Variants in PBX4 observed in about 807,000 individuals in gnomAD.
The protein encoded by PBX4 is PBX homeobox 4.
PBX4 carries 26 observed loss-of-function variants against 35.1 expected under a neutral mutation model. The observed-to-expected ratio is 0.74, with a 90% CI of 0.54 to 1.03. PBX4 has a LOEUF of 1.03. PBX4 is among the 50% of genes least tolerant of loss of function. The pLI is 0.00. For synonymous variants in PBX4, 199 were observed against 204.2 expected, an observed-to-expected ratio of 0.97 and a Z score of 0.22; for missense variants, 448 against 504.3, an observed-to-expected ratio of 0.89 and a Z score of 1.07.
intron 2 of PBX4, chr19:19,588,267 G>T: frequency 1.6e-6 from 2 of 1,241,490 alleles, no homozygotes; most frequent in Non-Finnish European, 2.4e-6. Flanking sequence ...AAGATCCATA[G>T]TTACATTCAT....
intron 1 of PBX4, among the ~76,000 whole-genome samples, chr19:19,608,857 A>C (rs1466471621): frequency 6.6e-6 from 1 of 151,954 alleles, no homozygotes; most frequent in African/African-American, 2.4e-5. Context: ...TGAAGGGCTA[A>C]CTCCTCATTG....
At chr19:19,570,913 TTATG>T in intron 2 of PBX4, 80 bp from the exon 3 acceptor site, 2 of 1,552,426 alleles carry the variant, frequency 1.3e-6, no homozygotes, top group African/African-American at 2.7e-5. Context: ...AGCACTGGTG[TTATG>T]TCTGAAGATT....
chr19:19,576,767 C>T lies in PBX4; in HGVS notation c.194-5934G>A, dbSNP rs1332535370. Reference sequence around the variant, plus strand: ...TGAGTAGTTGGAACTATACACATGCCACCACACCTGGCTAATTTTTTATTT... The same window carrying T: ...TGAGTAGTTGGAACTATACACATGCTACCACACCTGGCTAATTTTTTATTT... On this transcript the variant is annotated intron_variant, in intron 2 of 7. Transcript: ENST00000251203. Among the ~76,000 whole-genome samples, 4 of 151,940 alleles carry T rather than the reference C, an allele frequency of 2.6e-5. No individual in the cohort carries two copies. In the South Asian group the frequency reaches 6.2e-4, roughly 24 times the overall value.
intron 1 of PBX4, among the ~76,000 whole-genome samples, chr19:19,599,749 G>T (rs2061584985): frequency 6.6e-6 from 1 of 152,114 alleles, no homozygotes. Context: ...AAGGCAGGCG[G>T]ATTGCCTGAG....
Position 19,563,590 on chromosome 19 carries a change from G to T in PBX4, c.951C>A (p.Pro317=). The T allele has an allele frequency of 6.5e-7, 1 of 1,550,124 alleles. No homozygotes were observed. Among genetic ancestry groups the T allele is most frequent in the South Asian group, 1.2e-5 (1 of 84,024 alleles). The part of the protein sequence containing the change: ...SSGSSGPFPL[P]SAGDAFLTLR... Reference sequence around the variant, plus strand: ...GGGTGAGGAAGGCGTCCCCAGCGCTGGGCAGCGGGAAGGGTCCAGAGGAGC... The same window carrying T: ...GGGTGAGGAAGGCGTCCCCAGCGCTTGGCAGCGGGAAGGGTCCAGAGGAGC... The change falls in exon 7 of 8, where the codon CCC becomes CCA. Residue 317 remains proline (P), a synonymous_variant. Transcript: ENST00000251203. The surrounding 1 kb of genome is among the most constrained non-coding windows in gnomAD (Gnocchi z 5.1).
At chr19:19,600,794 G>T (rs2061592631) in intron 1 of PBX4, among the ~76,000 whole-genome samples, 1 of 146,156 alleles carries the variant, frequency 6.8e-6, no homozygotes, top group Non-Finnish European at 1.5e-5. Flanking sequence ...TCCAGCCTGG[G>T]CAACAGAGAG....
Position 19,562,495 on chromosome 19 carries a change from AAG to A in PBX4, c.1033-380_1033-379del, listed in dbSNP as rs1231436705. ...CGTCATGGTGAGACTCGGTGGGAAA[AAG>A]GGGCTCTGAAACCTGGCCCAACACT... On this transcript the variant is annotated intron_variant, in intron 7 of 7. Transcript: ENST00000251203. The surrounding 1 kb of genome is among the most constrained non-coding windows in gnomAD (Gnocchi z 4.8). 6.6e-6 allele frequency among the ~76,000 whole-genome samples: 1 copy of A among 151,710 alleles called. No homozygotes were observed. Among genetic ancestry groups the A allele is most frequent in the Non-Finnish European group, 1.5e-5 (1 of 67,922 alleles).
At chr19:19,604,084 A>G (rs1035822576) in intron 1 of PBX4, among the ~76,000 whole-genome samples, 9 of 152,192 alleles carry the variant, frequency 5.9e-5, no homozygotes, top group African/African-American at 2.2e-4. Flanking sequence ...TCTGTCATCC[A>G]AGCGTCCATT....
chr19:19,601,364 C>G (rs889898175), intron 1 of PBX4, among the ~76,000 whole-genome samples: 2 of 152,010 alleles, frequency 1.3e-5, no homozygotes, highest in Admixed American at 1.3e-4. Flanking sequence ...GAGAGAGCTA[C>G]GAGAAGTTAG....
intron 2 of PBX4, among the ~76,000 whole-genome samples, chr19:19,587,622 G>A (rs1468099144): frequency 6.9e-6 from 1 of 144,616 alleles, no homozygotes; most frequent in Non-Finnish European, 1.5e-5. Context: ...AAGAGTAAAT[G>A]CCTACATTTC....
intron 2 of PBX4, among the ~76,000 whole-genome samples, chr19:19,595,828 C>T (rs957351519): frequency 1.3e-5 from 2 of 152,216 alleles, no homozygotes; most frequent in African/African-American, 4.8e-5. Flanking sequence ...ATTGATTACA[C>T]AAGCAAAAGT....
At chr19:19,583,569 C>T (rs1385997407) in intron 2 of PBX4, among the ~76,000 whole-genome samples, 3 of 151,996 alleles carry the variant, frequency 2.0e-5, no homozygotes, top group Non-Finnish European at 2.9e-5. Context: ...GCTGACTGCG[C>T]CACTGCACTC....
chr19:19,601,057 AG>A (rs1380491565), intron 1 of PBX4, among the ~76,000 whole-genome samples: 10 of 152,148 alleles, frequency 6.6e-5, no homozygotes, highest in Non-Finnish European at 1.2e-4. Context: ...GGCAGTTAAG[AG>A]GGAGGGAGTG....
At chr19:19,584,526 G>A (rs1466608277) in intron 2 of PBX4, among the ~76,000 whole-genome samples, 1 of 151,708 alleles carries the variant, frequency 6.6e-6, no homozygotes, top group Non-Finnish European at 1.5e-5. Flanking sequence ...TACAGCTGGA[G>A]TAACCCAGAG....
chr19:19,594,978 T>C (rs2061552635), intron 2 of PBX4, among the ~76,000 whole-genome samples: 2 of 152,182 alleles, frequency 1.3e-5, no homozygotes, highest in Admixed American at 1.3e-4. Context: ...TGCCTCGGCC[T>C]CCCAAAGTGC....
At position 19,605,775 on chromosome 19, in the gene PBX4, C is replaced by G. The variant is rs192774213; in HGVS notation, c.120-6410G>C. Among the ~76,000 whole-genome samples the G allele has an allele frequency of 9.6e-4, 144 of 149,554 alleles. 2 individuals carry two copies. The East Asian group carries it at 0.021, about 22-fold the overall frequency. The stretch of plus-strand genomic sequence containing the variant: ...GTGAGCCTTGTTTCTGGCCTGGAAA[C>G]TTAATTTTAACAATAAGAGGAAAGA... On this transcript the variant is annotated intron_variant, in intron 1 of 7. Coordinates refer to ENST00000251203, the MANE Select transcript of PBX4 (RefSeq NM_025245.3).
chr19:19,618,620 G>C lies in PBX4; in HGVS notation c.10C>G (p.Pro4Ala), dbSNP rs1048709240. The change falls in exon 1 of 8, where the codon CCG becomes GCG. Residue 4 changes from proline (P) to alanine (A), a missense_variant. Coordinates refer to ENST00000251203, the MANE Select transcript of PBX4 (RefSeq NM_025245.3). MAA[P>A]PRPAPSPPAP... is the part of the protein sequence containing the mutation. ...GGGGGCGATGGCGCGGGGCGCGGCG[G>C]GGCGGCCATGAGCGGCAGGGCCGGG... The C allele has an allele frequency of 1.1e-5, 14 of 1,250,520 alleles. No homozygotes were observed. In the Middle Eastern group the frequency reaches 9.4e-4, roughly 84 times the overall value. The allele number at this position is 1,250,520 out of a possible 1,614,324, so 77.5% of individuals were successfully genotyped here. A position where few individuals can be genotyped will look rare whatever the true frequency, so the allele number is the denominator to read the frequency against.
intron 2 of PBX4, among the ~76,000 whole-genome samples, chr19:19,581,042 C>T (rs2061451212): frequency 6.6e-6 from 1 of 152,140 alleles, no homozygotes; most frequent in South Asian, 2.1e-4. Context: ...CAGATTTTAC[C>T]TTGTTTAGAG....
intron 1 of PBX4, 143 bp from the exon 2 acceptor site, chr19:19,599,508 G>A (rs2061583447): frequency 7.7e-6 from 5 of 653,430 alleles, no homozygotes; most frequent in Non-Finnish European, 1.4e-5. Flanking sequence ...TGAAAATGCA[G>A]TACAATCATA....
Sources: allele counts gnomAD v4.1 joint callset (sites outside exome capture counted in the v4.1 genomes callset), GRCh38; gene constraint gnomAD v4.1.1; non-coding constraint Gnocchi (gnomAD v3.1); transcripts MANE v1.5; gene names NCBI Gene and HGNC (gene_info 2026-07-23, HGNC 2026-07-21).